Variants in PDPN observed in about 807,000 individuals in gnomAD.
PDPN encodes podoplanin.
In PDPN, 12 loss-of-function variants were observed where a neutral mutation model predicts 23.2. The observed-to-expected ratio is 0.52, with a 90% confidence interval of 0.33 to 0.84. The LOEUF (loss-of-function observed/expected upper bound fraction) is 0.84, where lower values mean the gene tolerates loss of function less well. Among genes scored for constraint, PDPN ranks in the 40% least tolerant of loss-of-function variants. The probability of loss-of-function intolerance (pLI) is 0.02; values close to 1 mark genes in which losing one functional copy is unlikely to be tolerated. For missense variants in PDPN, 199 were observed against 212.2 expected (o/e 0.94, Z 0.39); for synonymous variants, 77 against 76.7 (o/e 1.00, Z -0.02).
intron 3 of PDPN, among the ~76,000 whole-genome samples, chr1:13,610,959 C>G (rs373596839): frequency 2.0e-5 from 3 of 152,238 alleles, no homozygotes; most frequent in Non-Finnish European, 4.4e-5. Flanking sequence ...CGGTGGCTCA[C>G]GCCTATAATC....
intron 3 of PDPN, 129 bp downstream of exon 3, chr1:13,610,645 CT>C (rs1164655214): frequency 4.5e-6 from 4 of 896,104 alleles, no homozygotes; most frequent in African/African-American, 1.7e-5. Context: ...CTGAACCAAG[CT>C]TTATATGGTA....
intron 1 of PDPN, among the ~76,000 whole-genome samples, chr1:13,585,937 C>G (rs541003876): frequency 4.2e-4 from 64 of 152,270 alleles, no homozygotes; most frequent in African/African-American, 1.3e-3. Flanking sequence ...CTACGCCCTA[C>G]TGGGTTTCCC....
At chr1:13,598,820 G>T (rs1257701930) in intron 1 of PDPN, among the ~76,000 whole-genome samples, 1 of 152,112 alleles carries the variant, frequency 6.6e-6, no homozygotes, top group Non-Finnish European at 1.5e-5. Flanking sequence ...CTTACCGAGT[G>T]CCTGGTATGT....
rs1640149179 is a variant in PDPN at position 13,585,394 on chromosome 1, C to G, written c.67+1294C>G. 4.6e-6 allele frequency: 4 copies of G among 871,924 alleles called. No individual in the cohort carries two copies. In the East Asian group the frequency reaches 1.9e-4, roughly 41 times the overall value. The allele number at this position is 871,924 out of a possible 1,614,324, so 54.0% of individuals were successfully genotyped here. A position where few individuals can be genotyped will look rare whatever the true frequency, so the allele number is the denominator to read the frequency against. On this transcript the variant is annotated intron_variant, in intron 1 of 5. Transcript: ENST00000621990. ...TATAGGGGCCGTGGGTTATTCGTAG[C>G]AGTCCTATCTTTGGAACTTCTCTTT... is the stretch of plus-strand genomic sequence containing the variant.
chr1:13,608,880 C>T (rs779593800), intron 2 of PDPN, among the ~76,000 whole-genome samples: 2 of 151,816 alleles, frequency 1.3e-5, no homozygotes, highest in African/African-American at 2.4e-5. Flanking sequence ...GTCGTTACAG[C>T]GGGAGGGGTA....
At chr1:13,604,225 G>A (rs1182095334) in intron 1 of PDPN, among the ~76,000 whole-genome samples, 1 of 152,212 alleles carries the variant, frequency 6.6e-6, no homozygotes, top group Non-Finnish European at 1.5e-5. Context: ...GGATTGGAAA[G>A]TGAAGGCATC....
At chr1:13,594,836 A>C (rs1640448486) in intron 1 of PDPN, among the ~76,000 whole-genome samples, 2 of 151,712 alleles carry the variant, frequency 1.3e-5, no homozygotes, top group Non-Finnish European at 1.5e-5. Context: ...AATACAAAAA[A>C]AAAAAAAAAT....
intron 1 of PDPN, among the ~76,000 whole-genome samples, chr1:13,588,046 T>C (rs1245245969): frequency 6.6e-6 from 1 of 152,192 alleles, no homozygotes; most frequent in East Asian, 1.9e-4. Context: ...TACGCAGGTA[T>C]GGCCAACTCG....
intron 3 of PDPN, among the ~76,000 whole-genome samples, chr1:13,612,728 A>G (rs1361871374): frequency 6.6e-6 from 1 of 152,182 alleles, no homozygotes; most frequent in African/African-American, 2.4e-5. Flanking sequence ...ACCTTGGCAC[A>G]AAAGGGATGG....
chr1:13,606,726 C>G (rs1031128685), intron 1 of PDPN, among the ~76,000 whole-genome samples: 2 of 152,100 alleles, frequency 1.3e-5, no homozygotes, highest in Non-Finnish European at 2.9e-5. Context: ...AAGATGGAGA[C>G]CCCGCTTTTG....
At chr1:13,595,422 G>A (rs1557539682) in intron 1 of PDPN, among the ~76,000 whole-genome samples, 1 of 152,092 alleles carries the variant, frequency 6.6e-6, no homozygotes, top group African/African-American at 2.4e-5. Context: ...AACTTTGGGA[G>A]GTGACCCAGA....
intron 1 of PDPN, among the ~76,000 whole-genome samples, chr1:13,597,921 G>A (rs994134718): frequency 6.6e-6 from 1 of 152,076 alleles, no homozygotes; most frequent in Non-Finnish European, 1.5e-5. Context: ...GCTGCAGTGA[G>A]CCAAGATTGT....
At chr1:13,589,092 G>T (rs1468409819) in intron 1 of PDPN, among the ~76,000 whole-genome samples, 1 of 142,068 alleles carries the variant, frequency 7.0e-6, no homozygotes, top group East Asian at 2.0e-4. Context: ...AGTAGGAAAG[G>T]TGTCATATGT....
At chr1:13,588,802 C>T (rs999620961) in intron 1 of PDPN, among the ~76,000 whole-genome samples, 15 of 146,038 alleles carry the variant, frequency 1.0e-4, no homozygotes, top group African/African-American at 1.5e-4. Flanking sequence ...CCTCAGCCTC[C>T]TGAGTATCTG....
In PDPN at chr1:13,594,907, A is replaced by G. The variant is rs556621071; in HGVS notation, c.67+10807A>G. 5.3e-5 allele frequency among the ~76,000 whole-genome samples: 8 copies of G among 151,274 alleles called. No individual in the cohort carries two copies. The South Asian group carries it at 1.7e-3, about 32-fold the overall frequency. ...CTACTCGGGAGGCTGAGGCGGGAGA[A>G]TGGCGTGAACCTGGGAGGCAGAGCT... On this transcript the variant is annotated intron_variant, in intron 1 of 5. Transcript: ENST00000621990.
rs748972698 is a variant in PDPN, at chr1:13,614,327, G to A, written c.398G>A (p.Gly133Glu). The change falls in exon 5 of 6, where the codon GGA becomes GAA. Residue 133 changes from glycine to glutamate, a missense_variant. Physicochemically the swap from Gly to Glu is moderately conservative, Grantham distance 98 (BLOSUM62 -2). Transcript: ENST00000621990. ...KDGLSTVTLV[G>E]IIVGVLLAIG... ...GGTTTGTCAACAGTGACCCTGGTTG[G>A]AATCATAGTTGGGGTCTTACTAGCC... is the stretch of plus-strand genomic sequence containing the variant. 1 of 1,604,924 alleles carries A rather than the reference G, an allele frequency of 6.2e-7. No homozygotes were observed. Among genetic ancestry groups the A allele is most frequent in the Admixed American group, 1.7e-5 (1 of 59,988 alleles).
intron 1 of PDPN, among the ~76,000 whole-genome samples, chr1:13,598,854 A>G (rs1436280646): frequency 6.6e-6 from 1 of 152,152 alleles, no homozygotes; most frequent in Admixed American, 6.6e-5. Context: ...GACATTGTGG[A>G]CATTGAGATG....
chr1:13,610,502 C>G lies in PDPN; in HGVS notation c.317C>G (p.Thr106Ser), dbSNP rs528720592. The part of the protein sequence containing the change: ...SPSATASNVA[T>S]SHSTEKVDGD... ...AGCGCCACAGCCTCAAACGTGGCCA[C>G]CAGTCACTCCACGGGTAAGAAAACC... The change falls in exon 3 of 6, where the codon ACC (threonine) becomes AGC (serine). Residue 106 changes from threonine to serine, a missense_variant. Coordinates refer to ENST00000621990, the MANE Select transcript of PDPN (RefSeq NM_006474.5). 8.1e-6 allele frequency: 13 copies of G among 1,613,804 alleles called. No homozygotes were observed. In the African/African-American group the frequency reaches 1.5e-4, roughly 18 times the overall value.
chr1:13,615,845 G>A (rs1050249794), intron 5 of PDPN, 60 bp from the exon 6 acceptor site: 18 of 1,482,582 alleles, frequency 1.2e-5, no homozygotes, highest in South Asian at 6.8e-5. Flanking sequence ...AAGGACTCAC[G>A]GAGTTACTAT....
Sources: allele counts gnomAD v4.1 joint callset (sites outside exome capture counted in the v4.1 genomes callset), GRCh38; gene constraint gnomAD v4.1.1; transcripts MANE v1.5; gene names NCBI Gene and HGNC (gene_info 2026-07-23, HGNC 2026-07-21).